The following MBOAT2 variants were observed in gnomAD, a reference collection of about 807,000 sequenced individuals.
The protein encoded by MBOAT2 is membrane bound glycerophospholipid O-acyltransferase 2, also known as membrane-bound glycerophospholipid O-acyltransferase 2.
In MBOAT2, 28 loss-of-function variants were observed where a neutral mutation model predicts 63.4. That is an observed-to-expected ratio of 0.44 (90% confidence interval 0.33 to 0.61). The LOEUF (loss-of-function observed/expected upper bound fraction) is 0.61, where lower values mean the gene tolerates loss of function less well. Among genes scored for constraint, MBOAT2 ranks in the 20% least tolerant of loss-of-function variants. MBOAT2 has a pLI of 0.03. For synonymous variants in MBOAT2, 211 were observed against 215.6 expected, an observed-to-expected ratio of 0.98 and a Z score of 0.19; for missense variants, 470 against 605.8, an observed-to-expected ratio of 0.78 and a Z score of 2.35.
intron 2 of MBOAT2, among the ~76,000 whole-genome samples, chr2:8,948,538 T>G (rs150969145): frequency 6.6e-6 from 1 of 152,314 alleles, no homozygotes; most frequent in East Asian, 1.9e-4. Context: ...CTGCCATCTT[T>G]ATGTCCATGA....
At chr2:8,985,378 G>T (rs994818637) in intron 1 of MBOAT2, among the ~76,000 whole-genome samples, 1 of 152,102 alleles carries the variant, frequency 6.6e-6, no homozygotes, top group Admixed American at 6.6e-5. Flanking sequence ...ATTCTTTAAA[G>T]ATAAAATGTG....
intron 2 of MBOAT2, among the ~76,000 whole-genome samples, chr2:8,957,234 AG>A (rs960148636): frequency 3.1e-4 from 47 of 152,234 alleles, no homozygotes; most frequent in African/African-American, 1.0e-3. Flanking sequence ...CATAATCAAA[AG>A]TTTGAAAAAT....
chr2:8,868,654 AAGT>A, intron 8 of MBOAT2, 105 bp from the exon 9 acceptor site: 4 of 878,512 alleles, frequency 4.6e-6, no homozygotes, highest in Non-Finnish European at 7.0e-6. Context: ...TAAACAGTAA[AAGT>A]AGATTTATTC....
At chr2:8,858,967 A>G (rs1245030625) in intron 12 of MBOAT2, 63 bp from the exon 13 acceptor site, 1 of 1,223,044 alleles carries the variant, frequency 8.2e-7, no homozygotes, top group Non-Finnish European at 1.1e-6. Flanking sequence ...ATAACTGCAC[A>G]CTTGTCAAAA....
intron 1 of MBOAT2, among the ~76,000 whole-genome samples, chr2:8,961,882 C>T (rs542347229): frequency 6.6e-6 from 1 of 152,274 alleles, no homozygotes; most frequent in Non-Finnish European, 1.5e-5. Context: ...AACTTCACTT[C>T]TCCACAGCCA....
chr2:8,982,219 C>A (rs1271510145), intron 1 of MBOAT2, among the ~76,000 whole-genome samples: 1 of 152,134 alleles, frequency 6.6e-6, no homozygotes, highest in Non-Finnish European at 1.5e-5. Context: ...GACATATTTA[C>A]AGCATAGGAA....
intron 2 of MBOAT2, among the ~76,000 whole-genome samples, chr2:8,943,655 T>C (rs1668209138): frequency 6.6e-6 from 1 of 152,170 alleles, no homozygotes; most frequent in Non-Finnish European, 1.5e-5. Context: ...CAAACTAGTT[T>C]CTCCAGTACC....
intron 1 of MBOAT2, among the ~76,000 whole-genome samples, chr2:8,995,576 T>A (rs932028574): frequency 3.3e-5 from 5 of 151,856 alleles, no homozygotes; most frequent in South Asian, 2.1e-4. Context: ...AAACATTTTT[T>A]AAAAATACAT....
rs1376199546 is a variant in MBOAT2, at chr2:8,912,325, AAGAAAGAAAGAAAGAAAGAAAGAAAG to A, written c.300-3635_300-3610del. Among the ~76,000 whole-genome samples, 20 of 105,906 alleles carry A rather than the reference AAGAAAGAAAGAAAGAAAGAAAGAAAG, an allele frequency of 1.9e-4. No individual in the cohort carries two copies. The Admixed American group carries it at 2.0e-3, about 11-fold the overall frequency. The allele number at this position is 105,906 out of a possible 152,430, so 69.5% of individuals were successfully genotyped here. A position where few individuals can be genotyped will look rare whatever the true frequency, so the allele number is the denominator to read the frequency against. On this transcript the variant is annotated intron_variant, in intron 3 of 12. Coordinates refer to ENST00000305997, the MANE Select transcript of MBOAT2 (RefSeq NM_138799.4). ...AAAGAAAGAAAGAAAGAAAGAAAGA[AAGAAAGAAAGAAAGAAAGAAAGAAAG>A]AGAAAGAAAGAAAGAAAGAAAGAGA...
rs189016164 is a variant in MBOAT2 at position 8,974,378 on chromosome 2, C to A, written c.76-15736G>T. The A allele has an allele frequency of 6.8e-5, 31 of 456,422 alleles. No individual in the cohort carries two copies. In the Admixed American group the frequency reaches 6.8e-4, roughly 10 times the overall value. 28.3% of individuals were successfully genotyped at this position (456,422 alleles called of 1,614,324 possible). A position where few individuals can be genotyped will look rare whatever the true frequency, so the allele number is the denominator to read the frequency against. The stretch of plus-strand genomic sequence containing the variant: ...ACTTGCTTTTCGCCTGTGGACTCTG[C>A]CAGGTACGTGAGACACACGGAAGGG... On this transcript the variant is annotated intron_variant, in intron 1 of 12. Coordinates refer to ENST00000305997, the MANE Select transcript of MBOAT2 (RefSeq NM_138799.4).
At chr2:8,963,566 G>C (rs1437729487) in intron 1 of MBOAT2, among the ~76,000 whole-genome samples, 1 of 152,124 alleles carries the variant, frequency 6.6e-6, no homozygotes, top group Non-Finnish European at 1.5e-5. Context: ...GCCTCCCAAA[G>C]TGCTGGGATT....
intron 1 of MBOAT2, among the ~76,000 whole-genome samples, chr2:9,002,340 A>G (rs1672754430): frequency 6.6e-6 from 1 of 152,192 alleles, no homozygotes; most frequent in South Asian, 2.1e-4. Flanking sequence ...ATTTTATTTA[A>G]AACAGTAAAG....
chr2:8,943,157 T>C (rs1248925847), intron 3 of MBOAT2, 30 bp downstream of exon 3: 3 of 1,314,290 alleles, frequency 2.3e-6, no homozygotes, highest in African/African-American at 3.0e-5. Context: ...GTGAAATATA[T>C]ATTTTCATGT....
chr2:8,995,295 A>T (rs191540199), intron 1 of MBOAT2, among the ~76,000 whole-genome samples: 1 of 152,362 alleles, frequency 6.6e-6, no homozygotes, highest in East Asian at 1.9e-4. Flanking sequence ...CAAAAGGGAC[A>T]CTTGGCTCAG....
At chr2:8,910,957 C>A (rs1476183164) in intron 3 of MBOAT2, among the ~76,000 whole-genome samples, 1 of 152,172 alleles carries the variant, frequency 6.6e-6, no homozygotes, top group Admixed American at 6.5e-5. Context: ...GAGTCAAGAG[C>A]TCAGAGGATG....
At chr2:8,994,458 G>C (rs1054253356) in intron 1 of MBOAT2, among the ~76,000 whole-genome samples, 1 of 152,194 alleles carries the variant, frequency 6.6e-6, no homozygotes, top group Non-Finnish European at 1.5e-5. Context: ...TCCTAAGAAA[G>C]AACTGGATGA....
intron 4 of MBOAT2, among the ~76,000 whole-genome samples, chr2:8,895,528 G>C (rs936639933): frequency 5.3e-5 from 8 of 151,416 alleles, no homozygotes; most frequent in Admixed American, 5.3e-4. Context: ...CAAACCTTTA[G>C]CTAGATACAA....
intron 6 of MBOAT2, among the ~76,000 whole-genome samples, chr2:8,882,102 T>C (rs1176410192): frequency 2.0e-5 from 3 of 152,260 alleles, no homozygotes; most frequent in Non-Finnish European, 2.9e-5. Context: ...CGATGTGCTA[T>C]ATTAATGTAT....
intron 2 of MBOAT2, among the ~76,000 whole-genome samples, chr2:8,949,153 A>G (rs1668635234): frequency 6.6e-6 from 1 of 152,050 alleles, no homozygotes; most frequent in South Asian, 2.1e-4. Flanking sequence ...GTGTCTTTTC[A>G]TGCCTTTTGC....
Sources: allele counts gnomAD v4.1 joint callset (sites outside exome capture counted in the v4.1 genomes callset), GRCh38; gene constraint gnomAD v4.1.1; transcripts MANE v1.5; gene names NCBI Gene and HGNC (gene_info 2026-07-23, HGNC 2026-07-21).